The following CDC42BPA variants were observed in gnomAD, a reference collection of about 807,000 sequenced individuals.
CDC42BPA encodes CDC42 binding protein kinase alpha, also known as serine/threonine-protein kinase MRCK alpha.
CDC42BPA carries 80 observed loss-of-function variants against 223.5 expected under a neutral mutation model. The ratio of observed to expected loss-of-function variants is 0.36; its 90% CI spans 0.30 to 0.43. The LOEUF (loss-of-function observed/expected upper bound fraction) is 0.43, where lower values mean the gene tolerates loss of function less well. Ranked by LOEUF, CDC42BPA falls within the 20% of genes least tolerant of loss-of-function variation. CDC42BPA has a pLI of 1.00. For synonymous variants in CDC42BPA, 694 were observed against 718.6 expected (o/e 0.97, Z 0.55); for missense variants, 1,743 against 2,099.9 (o/e 0.83, Z 3.32).
chr1:227,055,060 A>C (rs1558389277), intron 21 of CDC42BPA, among the ~76,000 whole-genome samples: 1 of 151,988 alleles, frequency 6.6e-6, no homozygotes, highest in South Asian at 2.1e-4. Flanking sequence ...AAACCTATGA[A>C]TATAATAATT....
At chr1:227,074,956 T>C (rs1679155711) in intron 17 of CDC42BPA, among the ~76,000 whole-genome samples, 1 of 152,224 alleles carries the variant, frequency 6.6e-6, no homozygotes, top group African/African-American at 2.4e-5. Flanking sequence ...ATTATAATTT[T>C]AGACAGAAAG....
rs899223923 is a variant in CDC42BPA at position 227,060,036 on chromosome 1, T to G, written c.2905-8051A>C. On this transcript the variant is annotated intron_variant, in intron 21 of 36. Transcript: ENST00000366766. ...TCTCAAAAAGTTTTTTTTTGTTTTT[T>G]TTTTTTTTTTTTGAGACGGGAGTCT... is the stretch of plus-strand genomic sequence containing the variant. Among the ~76,000 whole-genome samples the G allele has an allele frequency of 4.9e-5, 7 of 143,524 alleles. No homozygotes were observed. In the South Asian group the frequency reaches 1.2e-3, roughly 24 times the overall value. The allele number at this position is 143,524 out of a possible 152,430, so 94.2% of individuals were successfully genotyped here. A position where few individuals can be genotyped will look rare whatever the true frequency, so the allele number is the denominator to read the frequency against.
chr1:227,029,042 G>A lies in CDC42BPA; in HGVS notation c.4047C>T (p.Leu1349=), dbSNP rs779561800. Residue 1349 remains leucine, a synonymous_variant, in exon 30 of 37, where the codon CTC becomes CTT. Coordinates refer to ENST00000366766, the MANE Select transcript of CDC42BPA (RefSeq NM_001394014.1). Reference sequence around the variant, plus strand: ...TTTTCATAGCCACACACAGGCATGTGAGAGCTCCATGGCGCACCTTTCCAG... The same window carrying A: ...TTTTCATAGCCACACACAGGCATGTAAGAGCTCCATGGCGCACCTTTCCAG... The part of the protein sequence containing the change: ...VTSGKVRHGA[L]TCLCVAMKRQ... The A allele has an allele frequency of 1.9e-6, 3 of 1,613,952 alleles. No individual in the cohort carries two copies. Among genetic ancestry groups the A allele is most frequent in the Non-Finnish European group, 2.5e-6 (3 of 1,180,026 alleles).
At chr1:227,065,955 C>T (rs907930480) in intron 21 of CDC42BPA, among the ~76,000 whole-genome samples, 1 of 152,068 alleles carries the variant, frequency 6.6e-6, no homozygotes, top group African/African-American at 2.4e-5. Context: ...TCTATAGCAA[C>T]GAGACAGAAA....
intron 3 of CDC42BPA, among the ~76,000 whole-genome samples, chr1:227,204,448 A>G (rs1441092265): frequency 6.6e-6 from 1 of 152,204 alleles, no homozygotes; most frequent in East Asian, 1.9e-4. Flanking sequence ...TTGGAACAAT[A>G]GCTATCAAAG....
At chr1:227,166,897 G>C (rs1380865652) in intron 5 of CDC42BPA, among the ~76,000 whole-genome samples, 4 of 152,158 alleles carry the variant, frequency 2.6e-5, no homozygotes, top group African/African-American at 9.6e-5. Context: ...CTTGGGGGAG[G>C]GGGGCTCAAG....
At chr1:227,296,535 G>C (rs963043111) in intron 1 of CDC42BPA, among the ~76,000 whole-genome samples, 1 of 151,698 alleles carries the variant, frequency 6.6e-6, no homozygotes, top group Admixed American at 6.6e-5. Flanking sequence ...GTGAAACCCC[G>C]CATCTACTAA....
rs747657351 is a variant in CDC42BPA at position 227,051,913 on chromosome 1, G to A, written c.2977C>T (p.Pro993Ser). 1.2e-5 allele frequency: 17 copies of A among 1,366,440 alleles called. 2 individuals carry two copies. The South Asian group carries it at 1.8e-4, about 15-fold the overall frequency. The allele number at this position is 1,366,440 out of a possible 1,614,324, so 84.6% of individuals were successfully genotyped here. A position where few individuals can be genotyped will look rare whatever the true frequency, so the allele number is the denominator to read the frequency against. ...GGCTCAGCTTCACTAGATGTGGAAG[G>A]AGATGTGGACCGTGACTGGATGTGA... ...KFHIQSRSTSPSTSSEAEPVK... is the reference protein window; with the variant it reads ...KFHIQSRSTSSSTSSEAEPVK... Residue 993 changes from proline (P) to serine (S), a missense_variant, in exon 22 of 37, where the codon CCT (proline) becomes TCT (serine). Transcript: ENST00000366766.
chr1:227,025,917 T>A, intron 31 of CDC42BPA, 138 bp downstream of exon 31: 1 of 565,814 alleles, frequency 1.8e-6, no homozygotes, highest in South Asian at 2.4e-5. Flanking sequence ...TTCTATTTTC[T>A]CACTCTTAGC....
chr1:227,317,970 G>A lies in CDC42BPA; in HGVS notation c.-788C>T, dbSNP rs1288004514. 5.1e-6 allele frequency: 2 copies of A among 395,978 alleles called. No individual in the cohort carries two copies. The highest frequency in any genetic ancestry group is 1.3e-4 in the South Asian group (1 of 7,808). The allele number at this position is 395,978 out of a possible 1,614,324, so 24.5% of individuals were successfully genotyped here. A position where few individuals can be genotyped will look rare whatever the true frequency, so the allele number is the denominator to read the frequency against. On this transcript the variant is annotated 5_prime_UTR_variant, in exon 1 of 37. Transcript: ENST00000366766. ...CCTGACCGGCGGCGCGGCCGGGGGT[G>A]GAAGGCGGGCTGCGGGCGGCACTGG...
intron 3 of CDC42BPA, among the ~76,000 whole-genome samples, chr1:227,205,243 T>G (rs1672454438): frequency 7.5e-6 from 1 of 132,572 alleles, no homozygotes; most frequent in South Asian, 2.3e-4. Context: ...CACTCCAGCC[T>G]AGGCAACAGA....
At chr1:227,214,371 G>A (rs890958403) in intron 2 of CDC42BPA, among the ~76,000 whole-genome samples, 13 of 152,150 alleles carry the variant, frequency 8.5e-5, no homozygotes, top group African/African-American at 3.1e-4. Flanking sequence ...TATAATGACT[G>A]TGATTATAGT....
At chr1:227,011,100 A>G (rs956986880) in intron 34 of CDC42BPA, 13 of 1,195,632 alleles carry the variant, frequency 1.1e-5, no homozygotes, top group Non-Finnish European at 1.3e-5. Flanking sequence ...AAAGGCAATA[A>G]GGTGATGAAA....
At chr1:227,092,445 T>C (rs1558479501) in intron 15 of CDC42BPA, among the ~76,000 whole-genome samples, 1 of 152,222 alleles carries the variant, frequency 6.6e-6, no homozygotes, top group Non-Finnish European at 1.5e-5. Flanking sequence ...AGGTTGATAA[T>C]GGACCAAAAT....
intron 17 of CDC42BPA, among the ~76,000 whole-genome samples, chr1:227,075,649 C>T (rs1424495393): frequency 6.6e-6 from 1 of 152,166 alleles, no homozygotes; most frequent in Non-Finnish European, 1.5e-5. Flanking sequence ...TCTTTGACTA[C>T]AAGTGACTGT....
chr1:227,172,790 T>G (rs1238673819), intron 5 of CDC42BPA, among the ~76,000 whole-genome samples: 1 of 152,200 alleles, frequency 6.6e-6, no homozygotes, highest in African/African-American at 2.4e-5. Context: ...CTTGAGCAAA[T>G]TTATAGAATT....
chr1:227,053,330 G>T (rs1673920528), intron 21 of CDC42BPA, among the ~76,000 whole-genome samples: 1 of 152,104 alleles, frequency 6.6e-6, no homozygotes. Flanking sequence ...TGGGTGGTGG[G>T]CATGGAAAGG....
intron 1 of CDC42BPA, among the ~76,000 whole-genome samples, chr1:227,309,804 A>G (rs57733627): frequency 0.018 from 2,670 of 152,268 alleles, 72 homozygotes; most frequent in African/African-American, 0.061. Context: ...AGTAATTTCA[A>G]GGACTTTAGG....
rs1172230101 is a variant in CDC42BPA, at chr1:227,074,273, C to A, written c.2572G>T (p.Gly858Cys). ...ELEALRNSSL[G>C]TRATDMPWKM... Reference sequence around the variant, plus strand: ...TAGAAGCTTACTGTTGCTCGTGTACCCAAGCTGGAATTTCTTAATGCCTCC... The same window carrying A: ...TAGAAGCTTACTGTTGCTCGTGTACACAAGCTGGAATTTCTTAATGCCTCC... The change falls in exon 18 of 37, where the codon GGT (glycine) becomes TGT (cysteine). Residue 858 changes from glycine (G) to cysteine (C), a missense_variant. Around this residue, in one of 6 missense-constraint regions of CDC42BPA, gnomAD observed 36 missense variants for 71.9 expected, o/e 0.50. Transcript: ENST00000366766. 1 of 1,612,754 alleles carries A rather than the reference C, an allele frequency of 6.2e-7. No individual in the cohort carries two copies. Among genetic ancestry groups the A allele is most frequent in the Admixed American group, 1.7e-5 (1 of 59,940 alleles).
Sources: gnomAD v4.1 joint callset for allele counts (sites outside exome capture counted in the v4.1 genomes callset) on GRCh38, gnomAD v4.1.1 for gene constraint, gnomAD v4.1.1 regional missense constraint, MANE v1.5 for transcripts, NCBI Gene and HGNC (gene_info 2026-07-23, HGNC 2026-07-21) for gene names.